Variants in RGL1 observed in about 807,000 individuals in gnomAD.
RGL1 encodes the protein ral guanine nucleotide dissociation stimulator like 1, also known as ral guanine nucleotide dissociation stimulator-like 1.
A neutral mutation model predicts 95.2 loss-of-function variants in RGL1; 24 were observed. That is an observed-to-expected ratio of 0.25 (90% CI 0.18 to 0.35). The LOEUF is 0.35. Among genes scored for constraint, RGL1 ranks in the 10% least tolerant of loss-of-function variants. The pLI, the probability that RGL1 is intolerant of heterozygous loss-of-function variation, is 1.00. For synonymous variants in RGL1, 329 were observed against 344.9 expected, an observed-to-expected ratio of 0.95 and a Z score of 0.51; for missense variants, 715 against 936.3, an observed-to-expected ratio of 0.76 and a Z score of 3.08.
chr1:183,901,361 C>T (rs1668013360), intron 11 of RGL1, among the ~76,000 whole-genome samples: 1 of 151,896 alleles, frequency 6.6e-6, no homozygotes, highest in South Asian at 2.1e-4. Flanking sequence ...GTGGCAGGTG[C>T]CTATAATCCC....
intron 3 of RGL1, among the ~76,000 whole-genome samples, 178 bp from the exon 4 acceptor site, chr1:183,865,818 A>AT (rs1431337840): frequency 6.6e-6 from 1 of 152,268 alleles, no homozygotes; most frequent in Non-Finnish European, 1.5e-5. Context: ...GAATATGCAG[A>AT]TATATCCATT....
At chr1:183,881,958 G>A (rs1266342528) in intron 5 of RGL1, among the ~76,000 whole-genome samples, 1 of 152,210 alleles carries the variant, frequency 6.6e-6, no homozygotes, top group Non-Finnish European at 1.5e-5. Context: ...GCTGCCCCTG[G>A]CTCTGAGCCT....
chr1:183,800,617 A>G (rs1660939062), upstream of RGL1, among the ~76,000 whole-genome samples: 1 of 152,218 alleles, frequency 6.6e-6, no homozygotes. Flanking sequence ...TTCATCTTGC[A>G]TAACTGAAAC....
At chr1:183,676,746 T>C (rs1652852256) in intron 1 of RGL1, among the ~76,000 whole-genome samples, 1 of 143,080 alleles carries the variant, frequency 7.0e-6, no homozygotes, top group Non-Finnish European at 1.6e-5. Context: ...CCCAGGGGCC[T>C]CTGGCTTTGG....
chr1:183,841,006 T>A (rs1185201497), intron 2 of RGL1, among the ~76,000 whole-genome samples: 1 of 152,166 alleles, frequency 6.6e-6, no homozygotes, highest in Admixed American at 6.5e-5. Flanking sequence ...GTCTTGCCTC[T>A]CTCTCCACCA....
chr1:183,792,028 C>T (rs888602804), intron 2 of RGL1, among the ~76,000 whole-genome samples: 11 of 152,134 alleles, frequency 7.2e-5, no homozygotes, highest in Non-Finnish European at 2.9e-5. Flanking sequence ...TTCTACCACT[C>T]TTCAATATAT....
chr1:183,840,123 TG>T (rs1456986625), intron 2 of RGL1, among the ~76,000 whole-genome samples: 1 of 152,172 alleles, frequency 6.6e-6, no homozygotes, highest in Admixed American at 6.5e-5. Flanking sequence ...GGCCACTCTT[TG>T]TAGTATTCTT....
chr1:183,702,185 A>C (rs1654636639), intron 1 of RGL1, among the ~76,000 whole-genome samples: 1 of 152,162 alleles, frequency 6.6e-6, no homozygotes, highest in African/African-American at 2.4e-5. Flanking sequence ...AAAGTCATCT[A>C]TATGCTATAT....
At chr1:183,642,515 G>T (rs1306187020) in intron 1 of RGL1, among the ~76,000 whole-genome samples, 2 of 152,046 alleles carry the variant, frequency 1.3e-5, no homozygotes, top group African/African-American at 4.8e-5. Flanking sequence ...CTAAAAATTA[G>T]TATATAACCA....
intron 2 of RGL1, among the ~76,000 whole-genome samples, chr1:183,743,553 A>G (rs1037478102): frequency 6.6e-6 from 1 of 152,180 alleles, no homozygotes; most frequent in South Asian, 2.1e-4. Context: ...TTATTTTCTC[A>G]TGTATCCAAC....
chr1:183,688,854 C>CAGG (rs1180050904), intron 1 of RGL1, among the ~76,000 whole-genome samples: 2 of 152,042 alleles, frequency 1.3e-5, no homozygotes, highest in African/African-American at 4.8e-5. Flanking sequence ...GATTTTAAAG[C>CAGG]AGGATATTAA....
chr1:183,758,228 G>T (rs537915148), intron 2 of RGL1, among the ~76,000 whole-genome samples: 103 of 147,492 alleles, frequency 7.0e-4, no homozygotes, highest in Middle Eastern at 3.5e-3. Context: ...ACGGAGTCTC[G>T]CTCTGTCGCC....
intron 1 of RGL1, chr1:183,646,725 G>GA (rs1012329248): frequency 6.6e-6 from 1 of 152,168 alleles, no homozygotes; most frequent in Non-Finnish European, 1.5e-5. Context: ...CTAACAAAAA[G>GA]AAAAAACATC....
At chr1:183,849,828 AT>A (rs1247513491) in intron 3 of RGL1, among the ~76,000 whole-genome samples, 1 of 152,124 alleles carries the variant, frequency 6.6e-6, no homozygotes, top group Non-Finnish European at 1.5e-5. Context: ...TGCAAGGAGC[AT>A]TTTTGAATAT....
chr1:183,743,371 C>A (rs200180838), intron 2 of RGL1, among the ~76,000 whole-genome samples: 1 of 151,486 alleles, frequency 6.6e-6, no homozygotes, highest in Non-Finnish European at 1.5e-5. Context: ...GGTAGCAAAG[C>A]AACAACTAAG....
chr1:183,891,301 G>A lies in RGL1; in HGVS notation c.1056-776G>A, dbSNP rs1397482963. Among the ~76,000 whole-genome samples, 10 of 152,098 alleles carry A rather than the reference G, an allele frequency of 6.6e-5. No individual in the cohort carries two copies. In the South Asian group the frequency reaches 2.1e-3, roughly 32 times the overall value. ...ACTCATTAACCCTGGAGGGTGTGTA[G>A]AGAAAACCATGAGGCTCACAGAGAT... On this transcript the variant is annotated intron_variant, in intron 8 of 17. Coordinates refer to ENST00000360851, the MANE Select transcript of RGL1 (RefSeq NM_001297671.3).
intron 1 of RGL1, among the ~76,000 whole-genome samples, chr1:183,639,808 C>T (rs889520212): frequency 6.6e-6 from 1 of 150,778 alleles, no homozygotes; most frequent in Non-Finnish European, 1.5e-5. Flanking sequence ...GCTACATATA[C>T]ATCAAAGAAG....
chr1:183,685,230 C>G (rs1254175104), intron 1 of RGL1, among the ~76,000 whole-genome samples: 1 of 152,010 alleles, frequency 6.6e-6, no homozygotes, highest in Non-Finnish European at 1.5e-5. Context: ...AACAAAGATT[C>G]TTAAGCTTAG....
intron 1 of RGL1, among the ~76,000 whole-genome samples, chr1:183,717,886 A>G (rs1374269203): frequency 2.6e-5 from 4 of 152,212 alleles, no homozygotes; most frequent in African/African-American, 4.8e-5. Flanking sequence ...CCTCTTGAGC[A>G]AATACATCCT....
Sources: allele counts gnomAD v4.1 joint callset (sites outside exome capture counted in the v4.1 genomes callset), GRCh38; gene constraint gnomAD v4.1.1; transcripts MANE v1.5; gene names NCBI Gene and HGNC (gene_info 2026-07-23, HGNC 2026-07-21).